DOCK5: variants seen among roughly 807,000 people sequenced by gnomAD.
DOCK5 encodes dedicator of cytokinesis protein 5.
Under a neutral mutation model 251.8 loss-of-function variants are expected in DOCK5, and 142 were observed. The observed-to-expected ratio is 0.56, with a 90% CI of 0.49 to 0.65. The LOEUF (loss-of-function observed/expected upper bound fraction) is 0.65, where lower values mean the gene tolerates loss of function less well. Among genes scored for constraint, DOCK5 ranks in the 30% least tolerant of loss-of-function variants. DOCK5 has a pLI of 0.00. For synonymous variants in DOCK5, 842 were observed against 835.5 expected (o/e 1.01, Z -0.13); for missense variants, 2,111 against 2,312.3 (o/e 0.91, Z 1.79).
intron 27 of DOCK5, among the ~76,000 whole-genome samples, chr8:25,355,490 G>C (rs763531947): frequency 6.6e-6 from 1 of 152,088 alleles, no homozygotes; most frequent in Non-Finnish European, 1.5e-5. Context: ...CACTCTGTCA[G>C]CCAGGCTGGA....
chr8:25,312,044 G>T (rs913009471), intron 13 of DOCK5, among the ~76,000 whole-genome samples: 1 of 152,176 alleles, frequency 6.6e-6, no homozygotes, highest in Non-Finnish European at 1.5e-5. Context: ...GGTCTTAAAT[G>T]AGTATTTGTG....
At chr8:25,358,329 T>A (rs1388183881) in intron 27 of DOCK5, among the ~76,000 whole-genome samples, 1 of 152,010 alleles carries the variant, frequency 6.6e-6, no homozygotes, top group Non-Finnish European at 1.5e-5. Context: ...AACCATCAGA[T>A]CTCGTGAGAA....
chr8:25,395,008 A>G lies in DOCK5; in HGVS notation c.4528-535A>G, dbSNP rs1237993032. ...AAGCACATTACATTTACTGTGCACT[A>G]TATTTCTATCATTATTATATTGTAA... is the stretch of plus-strand genomic sequence containing the variant. On this transcript the variant is annotated intron_variant, in intron 44 of 51. Coordinates refer to ENST00000276440, the MANE Select transcript of DOCK5 (RefSeq NM_024940.8). 2.6e-5 allele frequency among the ~76,000 whole-genome samples: 4 copies of G among 152,098 alleles called. No homozygotes were observed. In the South Asian group the frequency reaches 6.2e-4, roughly 24 times the overall value.
intron 1 of DOCK5, among the ~76,000 whole-genome samples, chr8:25,239,004 T>C (rs2117536212): frequency 1.3e-5 from 2 of 152,306 alleles, no homozygotes; most frequent in South Asian, 4.1e-4. Context: ...GGGAAAATTG[T>C]TGTGGAATGT....
intron 26 of DOCK5, among the ~76,000 whole-genome samples, chr8:25,349,457 A>T (rs1800428246): frequency 1.3e-5 from 2 of 152,244 alleles, no homozygotes; most frequent in Non-Finnish European, 2.9e-5. Flanking sequence ...TATGAAAAAG[A>T]TACATGCACG....
intron 1 of DOCK5, among the ~76,000 whole-genome samples, chr8:25,185,849 C>T (rs1464773249): frequency 6.6e-6 from 1 of 152,204 alleles, no homozygotes; most frequent in Non-Finnish European, 1.5e-5. Context: ...GGCTTTTTAT[C>T]AAGGATTGAA....
intron 10 of DOCK5, among the ~76,000 whole-genome samples, chr8:25,303,776 A>G (rs1221104215): frequency 6.6e-6 from 1 of 152,150 alleles, no homozygotes; most frequent in Non-Finnish European, 1.5e-5. Flanking sequence ...AGCCTGGCCA[A>G]CATGGTGAAA....
chr8:25,395,846 T>C (rs1252130555), intron 45 of DOCK5, 127 bp downstream of exon 45: 1 of 1,150,080 alleles, frequency 8.7e-7, no homozygotes, highest in Non-Finnish European at 1.3e-6. Context: ...CTTTCCCTTC[T>C]GGCAAGTGAA....
intron 2 of DOCK5, among the ~76,000 whole-genome samples, chr8:25,243,960 A>C (rs1056423648): frequency 6.6e-6 from 1 of 152,264 alleles, no homozygotes; most frequent in African/African-American, 2.4e-5. Context: ...ACAAACTTGC[A>C]CAGACACCAG....
chr8:25,414,239 G>A lies in DOCK5; in HGVS notation c.*2941G>A, dbSNP rs1195832189. ...AGTCATGGTACTAGCCCCTTGGGAT[G>A]TAGTGGTTGAGTGTGTTCAATGGAA... On this transcript the variant is annotated 3_prime_UTR_variant, in exon 52 of 52. Transcript: ENST00000276440. The A allele has an allele frequency of 6.6e-6, 1 of 152,140 alleles. No homozygotes were observed. Among genetic ancestry groups the A allele is most frequent in the South Asian group, 2.1e-4 (1 of 4,820 alleles). The allele number at this position is 152,140 out of a possible 1,614,324, so 9.4% of individuals were successfully genotyped here. A position where few individuals can be genotyped will look rare whatever the true frequency, so the allele number is the denominator to read the frequency against.
At chr8:25,351,652 A>T (rs569939856) in intron 26 of DOCK5, 79 bp from the exon 27 acceptor site, 1 of 1,131,340 alleles carries the variant, frequency 8.8e-7, no homozygotes, top group South Asian at 1.4e-5. Flanking sequence ...TCTAAAGACA[A>T]AACTCATCTA....
At chr8:25,275,326 T>G in intron 3 of DOCK5, 60 bp from the exon 4 acceptor site, 1 of 1,422,336 alleles carries the variant, frequency 7.0e-7, no homozygotes, top group Non-Finnish European at 9.7e-7. Context: ...GGCTGAGGTG[T>G]TTTTGTTTGG....
intron 2 of DOCK5, among the ~76,000 whole-genome samples, chr8:25,263,444 C>A (rs1475454463): frequency 6.6e-6 from 1 of 151,934 alleles, no homozygotes; most frequent in African/African-American, 2.4e-5. Context: ...CCCAATCCGG[C>A]AGCACAGGGT....
In DOCK5 at chr8:25,254,794, A is replaced by C. The variant is rs1165491718; in HGVS notation, c.127+11037A>C. 1.9e-4 allele frequency among the ~76,000 whole-genome samples: 27 copies of C among 139,338 alleles called. 5 individuals are homozygous for C. The highest frequency in any genetic ancestry group is 7.0e-4 in the African/African-American group (25 of 35,590). 91.4% of individuals were successfully genotyped at this position (139,338 alleles called of 152,430 possible). ...GTCTCAAAAAAAAACAAAACAAAAC[A>C]AAAAAAAAAAACATTTGATAAAGGA... is the stretch of plus-strand genomic sequence containing the variant. On this transcript the variant is annotated intron_variant, in intron 2 of 51. Transcript: ENST00000276440.
intron 16 of DOCK5, among the ~76,000 whole-genome samples, 180 bp from the exon 17 acceptor site, chr8:25,323,668 A>T (rs531131576): frequency 1.9e-4 from 29 of 152,078 alleles, no homozygotes; most frequent in Non-Finnish European, 4.3e-4. Context: ...AGGAGAGCAT[A>T]CTTGGGGGTG....
At chr8:25,321,386 T>G (rs556029074) in intron 16 of DOCK5, among the ~76,000 whole-genome samples, 3 of 152,338 alleles carry the variant, frequency 2.0e-5, no homozygotes, top group Non-Finnish European at 2.9e-5. Context: ...TCAGGGTAAT[T>G]CAAGCACATT....
intron 2 of DOCK5, among the ~76,000 whole-genome samples, chr8:25,256,138 C>A (rs1803415014): frequency 6.6e-6 from 1 of 152,156 alleles, no homozygotes; most frequent in African/African-American, 2.4e-5. Context: ...CTTAGTCTTA[C>A]TATTATATTC....
intron 37 of DOCK5, 41 bp downstream of exon 37, chr8:25,374,695 A>G: frequency 6.2e-7 from 1 of 1,613,606 alleles, no homozygotes; most frequent in East Asian, 2.2e-5. Flanking sequence ...GGTGGAGTAC[A>G]GTGTCCTTTC....
At chr8:25,332,989 T>G (rs1805716459) in intron 20 of DOCK5, among the ~76,000 whole-genome samples, 1 of 152,224 alleles carries the variant, frequency 6.6e-6, no homozygotes, top group Non-Finnish European at 1.5e-5. Flanking sequence ...ATTACCATGA[T>G]CTGGAGCATT....
Sources: gnomAD v4.1 joint callset for allele counts (sites outside exome capture counted in the v4.1 genomes callset) on GRCh38, gnomAD v4.1.1 for gene constraint, MANE v1.5 for transcripts, NCBI Gene and HGNC (gene_info 2026-07-23, HGNC 2026-07-21) for gene names.